Variants in PCDHGA6 observed in about 807,000 individuals in gnomAD.
The protein encoded by PCDHGA6 is protocadherin gamma-A6.
A neutral mutation model predicts 60.6 loss-of-function variants in PCDHGA6; 41 were observed. That is an observed-to-expected ratio of 0.68 (90% CI 0.53 to 0.88). The LOEUF (loss-of-function observed/expected upper bound fraction) is 0.88. Among genes scored for constraint, PCDHGA6 ranks in the 40% least tolerant of loss-of-function variants. The pLI is 0.00. For missense variants in PCDHGA6, 1,312 were observed against 1,203.0 expected (o/e 1.09, Z -1.34); for synonymous variants, 594 against 524.4 (o/e 1.13, Z -1.81).
At chr5:141,384,353 C>T in intron 1 of PCDHGA6, 1 of 1,613,848 alleles carries the variant, frequency 6.2e-7, no homozygotes, top group South Asian at 1.1e-5. Context: ...GAGGATAATG[C>T]CCAGATCACT....
chr5:141,389,144 T>C, intron 1 of PCDHGA6: 1 of 1,614,020 alleles, frequency 6.2e-7, no homozygotes, highest in Non-Finnish European at 8.5e-7. Flanking sequence ...ATATAACCGT[T>C]ACGGCAACAG....
chr5:141,406,079 T>C (rs570702423), intron 1 of PCDHGA6, among the ~76,000 whole-genome samples: 2 of 151,808 alleles, frequency 1.3e-5, no homozygotes, highest in South Asian at 2.1e-4. Context: ...CTCCTTTTTT[T>C]TTTTTTTTAA....
At chr5:141,467,537 A>G (rs2154569542) in intron 1 of PCDHGA6, among the ~76,000 whole-genome samples, 1 of 152,192 alleles carries the variant, frequency 6.6e-6, no homozygotes, top group Non-Finnish European at 1.5e-5. Context: ...TGAGATATGG[A>G]TCTGATTATA....
intron 1 of PCDHGA6, among the ~76,000 whole-genome samples, chr5:141,449,549 A>G (rs1431239786): frequency 6.8e-6 from 1 of 147,830 alleles, no homozygotes; most frequent in East Asian, 2.0e-4. Context: ...AGATCGCACC[A>G]CTGCACTCCA....
At chr5:141,504,643 G>A (rs1049421626) in intron 2 of PCDHGA6, among the ~76,000 whole-genome samples, 3 of 124,276 alleles carry the variant, frequency 2.4e-5, no homozygotes, top group African/African-American at 9.0e-5. Flanking sequence ...AAGGTTTGAT[G>A]ATAGAGTGTT....
At chr5:141,478,719 T>C in intron 1 of PCDHGA6, 1 of 1,543,882 alleles carries the variant, frequency 6.5e-7, no homozygotes, top group South Asian at 1.2e-5. Context: ...GATGGTGGCC[T>C]GCCAGAGTGT....
chr5:141,426,960 A>G, intron 1 of PCDHGA6: 1 of 456,776 alleles, frequency 2.2e-6, no homozygotes, highest in South Asian at 1.5e-5. Context: ...CACTGCTGCA[A>G]TTCAAATTGA....
Position 141,375,542 on chromosome 5 carries a change from G to GTC in PCDHGA6, c.1462_1463dup (p.Tyr489ProfsTer38), listed in dbSNP as rs767363908. On this transcript the variant is annotated frameshift_variant, in exon 1 of 4. Coordinates refer to ENST00000517434, the MANE Select transcript of PCDHGA6 (RefSeq NM_018919.3). LOFTEE classifies it high-confidence loss of function. ...CCCTGACGTGGACCAGAACGCCCAA[G>GTC]TCTCCTACTCACTGGCAGAAGACAC... 3 of 1,613,976 alleles carry GTC rather than the reference G, an allele frequency of 1.9e-6. No homozygotes were observed. The highest frequency in any genetic ancestry group is 2.5e-6 in the Non-Finnish European group (3 of 1,179,928).
At chr5:141,414,242 T>C (rs1412230684) in intron 1 of PCDHGA6, 1 of 1,613,538 alleles carries the variant, frequency 6.2e-7, no homozygotes, top group Admixed American at 1.7e-5. Flanking sequence ...ATCACGTCTC[T>C]ATTTAGTCCA....
chr5:141,397,450 A>G (rs1434264337), intron 1 of PCDHGA6, among the ~76,000 whole-genome samples: 1 of 152,258 alleles, frequency 6.6e-6, no homozygotes, highest in Admixed American at 6.5e-5. Context: ...AATATAAAAC[A>G]CTAGAAATAT....
intron 1 of PCDHGA6, chr5:141,379,317 C>T (rs914765409): frequency 1.3e-5 from 2 of 152,162 alleles, no homozygotes; most frequent in East Asian, 1.9e-4. Context: ...AACAAGAGAT[C>T]TAATCATACA....
rs1332652972 is a variant in PCDHGA6, at chr5:141,432,381, C to T, written c.2424+55874C>T. On this transcript the variant is annotated intron_variant, in intron 1 of 3. Transcript: ENST00000517434. The surrounding 1 kb of genome is among the most constrained non-coding windows in gnomAD (Gnocchi z 6.0). ...ATGGCGCGGGACAACGGGCACCCGCCCCTCAGCAGCAACGTGTCGTTGAGC... is the reference window on the plus strand; with the variant it reads ...ATGGCGCGGGACAACGGGCACCCGCTCCTCAGCAGCAACGTGTCGTTGAGC... 1 of 1,614,256 alleles carries T rather than the reference C, an allele frequency of 6.2e-7. No homozygotes were observed. The highest frequency in any genetic ancestry group is 1.1e-5 in the South Asian group (1 of 91,082).
rs149653507 is a variant in PCDHGA6 at position 141,469,869 on chromosome 5, G to A, written c.2425-24938G>A. Among the ~76,000 whole-genome samples, 591 of 152,290 alleles carry A rather than the reference G, an allele frequency of 3.9e-3. 6 individuals are homozygous for A. Among genetic ancestry groups the A allele is most frequent in the Admixed American group, 0.011 (171 of 15,304 alleles). On this transcript the variant is annotated intron_variant, in intron 1 of 3. Transcript: ENST00000517434. ...ATTCAGACCGGGTGCAATGGCTCACGCCTGTAATCTCGGCACTTTGGGAAG... is the reference window on the plus strand; with the variant it reads ...ATTCAGACCGGGTGCAATGGCTCACACCTGTAATCTCGGCACTTTGGGAAG...
chr5:141,427,999 T>A, intron 1 of PCDHGA6: 1 of 1,601,186 alleles, frequency 6.2e-7, no homozygotes, highest in Non-Finnish European at 8.5e-7. Context: ...GGCTCCGCAC[T>A]CTTCGATATA....
intron 2 of PCDHGA6, among the ~76,000 whole-genome samples, chr5:141,495,601 G>C (rs1315613802): frequency 6.6e-6 from 1 of 152,004 alleles, no homozygotes; most frequent in Non-Finnish European, 1.5e-5. Context: ...CTTAGCTTCC[G>C]TCTTGATTGC....
At chr5:141,461,178 G>A (rs2154567263) in intron 1 of PCDHGA6, among the ~76,000 whole-genome samples, 1 of 152,144 alleles carries the variant, frequency 6.6e-6, no homozygotes, top group East Asian at 1.9e-4. Context: ...TGGATTGAAT[G>A]GTAGATCTGT....
chr5:141,399,259 G>A, intron 1 of PCDHGA6: 1 of 1,613,874 alleles, frequency 6.2e-7, no homozygotes, highest in Non-Finnish European at 8.5e-7. Context: ...AAATGGGGAG[G>A]TTAATTGTCA....
At chr5:141,434,128 G>A (rs1267483739) in intron 1 of PCDHGA6, among the ~76,000 whole-genome samples, 1 of 152,138 alleles carries the variant, frequency 6.6e-6, no homozygotes, top group Non-Finnish European at 1.5e-5. Flanking sequence ...ACTCCCTTTA[G>A]GCTGATTTCT....
At chr5:141,450,995 T>G (rs983544118) in intron 1 of PCDHGA6, among the ~76,000 whole-genome samples, 3 of 151,510 alleles carry the variant, frequency 2.0e-5, no homozygotes, top group Non-Finnish European at 4.4e-5. Context: ...CGGCTAATTT[T>G]TTTGTATTTT....
Sources: allele counts gnomAD v4.1 joint callset (sites outside exome capture counted in the v4.1 genomes callset), GRCh38; gene constraint gnomAD v4.1.1; non-coding constraint Gnocchi (gnomAD v3.1); transcripts MANE v1.5; gene names NCBI Gene and HGNC (gene_info 2026-07-23, HGNC 2026-07-21).